RBFOX3: variants seen among roughly 807,000 people sequenced by gnomAD.
RBFOX3 encodes RNA binding fox-1 homolog 3.
RBFOX3 carries 17 observed loss-of-function variants against 48.7 expected under a neutral mutation model. The observed-to-expected ratio is 0.35, with a 90% CI of 0.24 to 0.52. The LOEUF (loss-of-function observed/expected upper bound fraction) is 0.52, where lower values mean the gene tolerates loss of function less well. Ranked by LOEUF, RBFOX3 falls within the 20% of genes least tolerant of loss-of-function variation. The pLI is 0.94. For synonymous variants in RBFOX3, 212 were observed against 209.5 expected, an observed-to-expected ratio of 1.01 and a Z score of -0.10; for missense variants, 382 against 497.5, an observed-to-expected ratio of 0.77 and a Z score of 2.21.
At chr17:79,367,500 A>T (rs1019813946) in intron 2 of RBFOX3, among the ~76,000 whole-genome samples, 8 of 152,134 alleles carry the variant, frequency 5.3e-5, no homozygotes, top group Middle Eastern at 3.4e-3. Flanking sequence ...ATGAGCACTC[A>T]TGAGCTCTGG....
chr17:79,375,358 GACACACACACACACACACACACACAC>G (rs534923135), intron 2 of RBFOX3, among the ~76,000 whole-genome samples: 2 of 136,186 alleles, frequency 1.5e-5, no homozygotes, highest in African/African-American at 5.4e-5. Flanking sequence ...GAAGACAGAA[GACACACACACACACACACACACACAC>G]ACACACACAC....
chr17:79,225,012 A>G (rs1308604174), intron 4 of RBFOX3, among the ~76,000 whole-genome samples: 2 of 152,226 alleles, frequency 1.3e-5, no homozygotes, highest in Non-Finnish European at 2.9e-5. Flanking sequence ...TGACTAGCAT[A>G]GGGTTGAGAG....
intron 4 of RBFOX3, among the ~76,000 whole-genome samples, chr17:79,226,153 A>G (rs890147901): frequency 1.6e-4 from 25 of 152,188 alleles, no homozygotes; most frequent in African/African-American, 6.0e-4. Context: ...GGAACCAGCA[A>G]GGTGGCCCAT....
At chr17:79,605,894 C>T (rs1180595456) in intron 1 of RBFOX3, among the ~76,000 whole-genome samples, 1 of 152,146 alleles carries the variant, frequency 6.6e-6, no homozygotes. Context: ...GGAGTGGAGA[C>T]GGATCCAAGG....
At chr17:79,623,084 A>G in the RBFOX3 span, among the ~76,000 whole-genome samples, 9 of 152,144 alleles carry the variant, frequency 5.9e-5, no homozygotes, top group East Asian at 1.7e-3. Context: ...CAGCCCTGTT[A>G]CTGCCCCAGC....
chr17:79,521,935 A>G lies in RBFOX3; in HGVS notation c.-319-39337T>C, dbSNP rs904345049. 2.7e-3 allele frequency among the ~76,000 whole-genome samples: 418 copies of G among 152,310 alleles called. 1 individual carries two copies. Among genetic ancestry groups the G allele is most frequent in the African/African-American group, 9.9e-3 (412 of 41,558 alleles). On this transcript the variant is annotated intron_variant, in intron 1 of 14. Transcript: ENST00000693108. Reference sequence around the variant, plus strand: ...AGTGAAGTGGACATGGGAGTTTTTCAGTGAAGTCGGTGGCTCAGGACTCAG... The same window carrying G: ...AGTGAAGTGGACATGGGAGTTTTTCGGTGAAGTCGGTGGCTCAGGACTCAG...
the RBFOX3 span, among the ~76,000 whole-genome samples, chr17:79,628,485 G>A: frequency 1.3e-5 from 2 of 152,174 alleles, no homozygotes; most frequent in South Asian, 2.1e-4. Flanking sequence ...GACGTGCCCG[G>A]GTTTAGACTG....
At chr17:79,109,740 G>A (rs2030034795) in intron 5 of RBFOX3, among the ~76,000 whole-genome samples, 1 of 152,194 alleles carries the variant, frequency 6.6e-6, no homozygotes, top group Admixed American at 6.5e-5. Flanking sequence ...CCTGGAGAGG[G>A]GCACACAGCT....
At chr17:79,353,353 T>C (rs527350360) in intron 2 of RBFOX3, among the ~76,000 whole-genome samples, 7 of 152,200 alleles carry the variant, frequency 4.6e-5, no homozygotes, top group Admixed American at 1.3e-4. Flanking sequence ...TCTGGCCAGC[T>C]CCGTGGACTC....
rs2071040991 is a variant in RBFOX3 at position 79,442,079 on chromosome 17, G to A, written c.-175+40375C>T. Among the ~76,000 whole-genome samples, 4 of 151,596 alleles carry A rather than the reference G, an allele frequency of 2.6e-5. No homozygotes were observed. The South Asian group carries it at 6.3e-4, about 24-fold the overall frequency. ...TCAAAGGCCCTGGGGTGAAAGGGACGTGTTGGGAGACCTGACCATCCACGG... is the reference window on the plus strand; with the variant it reads ...TCAAAGGCCCTGGGGTGAAAGGGACATGTTGGGAGACCTGACCATCCACGG... On this transcript the variant is annotated intron_variant, in intron 2 of 14. Transcript: ENST00000693108.
intron 3 of RBFOX3, among the ~76,000 whole-genome samples, chr17:79,288,913 G>C (rs879344276): frequency 2.6e-5 from 4 of 152,196 alleles, no homozygotes; most frequent in Non-Finnish European, 5.9e-5. Context: ...GAAAGGGAAG[G>C]ACCTGGCTCC....
chr17:79,382,884 C>G (rs1207981223), intron 2 of RBFOX3, among the ~76,000 whole-genome samples: 3 of 152,160 alleles, frequency 2.0e-5, no homozygotes, highest in Non-Finnish European at 4.4e-5. Flanking sequence ...CCTTGCTGAC[C>G]TCTTAATGAG....
At chr17:79,189,049 C>G (rs561250544) in intron 4 of RBFOX3, among the ~76,000 whole-genome samples, 1 of 152,390 alleles carries the variant, frequency 6.6e-6, no homozygotes, top group East Asian at 1.9e-4. Context: ...ATTTCTGTCT[C>G]TCATCTGAAG....
chr17:79,653,430 A>C, the RBFOX3 span, among the ~76,000 whole-genome samples: 1 of 152,242 alleles, frequency 6.6e-6, no homozygotes, highest in Admixed American at 6.5e-5. Flanking sequence ...GGATAAACAG[A>C]AAGTTGTACA....
rs2076811246 is a variant in RBFOX3, at chr17:79,103,422, C to G, written c.415-168G>C. Among the ~76,000 whole-genome samples the G allele has an allele frequency of 6.6e-6, 1 of 152,114 alleles. No individual in the cohort carries two copies. The highest frequency in any genetic ancestry group is 2.1e-4 in the South Asian group (1 of 4,836). Reference sequence around the variant, plus strand: ...GCAGAGACGCAGGCAGCCCAGAGGTCTGTCCTAGGGCCACCGGCAGGATGC... The same window carrying G: ...GCAGAGACGCAGGCAGCCCAGAGGTGTGTCCTAGGGCCACCGGCAGGATGC... On this transcript the variant is annotated intron_variant, in intron 7 of 14. Transcript: ENST00000693108. This position sits in a 1 kb window ranked among gnomAD's most constrained non-coding sequence, Gnocchi z 6.1.
At chr17:79,533,041 C>T (rs2088078018) in intron 1 of RBFOX3, among the ~76,000 whole-genome samples, 1 of 152,242 alleles carries the variant, frequency 6.6e-6, no homozygotes, top group South Asian at 2.1e-4. Flanking sequence ...GTCTCAAGTG[C>T]CAGGCAAGGT....
chr17:79,314,156 T>C (rs551570419), intron 2 of RBFOX3, among the ~76,000 whole-genome samples: 1 of 152,318 alleles, frequency 6.6e-6, no homozygotes, highest in South Asian at 2.1e-4. Context: ...TCTTGTTGTT[T>C]TTTTACTAAA....
chr17:79,172,233 A>G (rs1327154762), intron 4 of RBFOX3, among the ~76,000 whole-genome samples: 2 of 152,086 alleles, frequency 1.3e-5, no homozygotes, highest in African/African-American at 4.8e-5. Context: ...ATTTTCCCAA[A>G]TGAGGACATT....
intron 3 of RBFOX3, among the ~76,000 whole-genome samples, chr17:79,281,262 T>G (rs1010799580): frequency 6.6e-6 from 1 of 152,212 alleles, no homozygotes; most frequent in South Asian, 2.1e-4. Flanking sequence ...GCCGTGGGCT[T>G]GTGGTTTAGC....
Sources: allele counts gnomAD v4.1 joint callset (sites outside exome capture counted in the v4.1 genomes callset), GRCh38; gene constraint gnomAD v4.1.1; non-coding constraint Gnocchi (gnomAD v3.1); transcripts MANE v1.5; gene names NCBI Gene and HGNC (gene_info 2026-07-23, HGNC 2026-07-21).